SH3RF3: variants seen among roughly 807,000 people sequenced by gnomAD.
SH3RF3 encodes the protein E3 ubiquitin-protein ligase SH3RF3.
In SH3RF3, 29 loss-of-function variants were observed where a neutral mutation model predicts 66.3. The observed-to-expected ratio is 0.44, with a 90% CI of 0.33 to 0.60. The LOEUF is 0.60. SH3RF3 is among the 20% of genes least tolerant of loss of function. The probability of loss-of-function intolerance (pLI) is 0.04; values close to 1 mark genes in which losing one functional copy is unlikely to be tolerated. For synonymous variants in SH3RF3, 583 were observed against 532.0 expected (o/e 1.10, Z -1.32); for missense variants, 1,194 against 1,190.9 (o/e 1.00, Z -0.04).
At chr2:109,164,818 A>G (rs1677577709) in intron 1 of SH3RF3, among the ~76,000 whole-genome samples, 1 of 152,220 alleles carries the variant, frequency 6.6e-6, no homozygotes, top group Non-Finnish European at 1.5e-5. Flanking sequence ...TGAGCCAGGA[A>G]GTGAGTTTCT....
At chr2:109,142,618 T>TG (rs1240263021) in intron 1 of SH3RF3, among the ~76,000 whole-genome samples, 1 of 152,076 alleles carries the variant, frequency 6.6e-6, no homozygotes, top group East Asian at 1.9e-4. Context: ...CTGGGTTCTC[T>TG]GGGGGCAGAA....
chr2:109,322,582 A>G (rs1682051285), intron 1 of SH3RF3, among the ~76,000 whole-genome samples: 1 of 152,264 alleles, frequency 6.6e-6, no homozygotes, highest in South Asian at 2.1e-4. Context: ...TACTGCAAGA[A>G]TAAATTTGCT....
At chr2:109,334,341 GT>G (rs11297256) in intron 1 of SH3RF3, among the ~76,000 whole-genome samples, 66,410 of 127,972 alleles carry the variant, frequency 0.52, 17,867 homozygotes, top group Non-Finnish European at 0.62. Flanking sequence ...TTGGGTGACA[GT>G]TTTTTTTTTT....
intron 1 of SH3RF3, among the ~76,000 whole-genome samples, chr2:109,285,321 G>A (rs1681007188): frequency 6.6e-6 from 1 of 152,190 alleles, no homozygotes; most frequent in Non-Finnish European, 1.5e-5. Context: ...CTGAAATACA[G>A]GTGTTCATGG....
intron 1 of SH3RF3, among the ~76,000 whole-genome samples, chr2:109,272,774 G>T (rs1680657893): frequency 6.6e-6 from 1 of 152,224 alleles, no homozygotes; most frequent in Admixed American, 6.5e-5. Flanking sequence ...CAGCATCAAT[G>T]CATCTCAGTT....
intron 1 of SH3RF3, among the ~76,000 whole-genome samples, chr2:109,292,549 T>C (rs1681211111): frequency 6.6e-6 from 1 of 152,230 alleles, no homozygotes; most frequent in African/African-American, 2.4e-5. Flanking sequence ...AGTTTTTCTC[T>C]ACTTTAAATG....
chr2:109,470,675 C>T (rs1236032301), intron 8 of SH3RF3, among the ~76,000 whole-genome samples: 4 of 152,138 alleles, frequency 2.6e-5, no homozygotes, highest in East Asian at 3.9e-4. Flanking sequence ...CTGCTGTGGC[C>T]GGGGCTGGTG....
chr2:109,340,068 G>A (rs958361890), intron 1 of SH3RF3, among the ~76,000 whole-genome samples: 6 of 152,186 alleles, frequency 3.9e-5, no homozygotes, highest in Admixed American at 3.9e-4. Context: ...CCTGTGAGCA[G>A]TAATCGGGTT....
chr2:109,288,795 A>G (rs1309133000), intron 1 of SH3RF3, among the ~76,000 whole-genome samples: 3 of 151,766 alleles, frequency 2.0e-5, no homozygotes, highest in Non-Finnish European at 4.4e-5. Context: ...AAGCTACTAC[A>G]GGAGGACTCA....
At chr2:109,131,516 G>A (rs1488965206) in intron 1 of SH3RF3, among the ~76,000 whole-genome samples, 2 of 152,178 alleles carry the variant, frequency 1.3e-5, no homozygotes, top group East Asian at 1.9e-4. Context: ...TCGGAGCCCC[G>A]CTTCTAGTAA....
At chr2:109,170,310 TTCTCTC>T (rs1677745940) in intron 1 of SH3RF3, among the ~76,000 whole-genome samples, 2 of 132,688 alleles carry the variant, frequency 1.5e-5, no homozygotes, top group South Asian at 4.9e-4. Context: ...TTCTCTTCTC[TTCTCTC>T]CTCTCTCTCT....
chr2:109,211,982 T>C (rs1023533420), intron 1 of SH3RF3, among the ~76,000 whole-genome samples: 2 of 152,178 alleles, frequency 1.3e-5, no homozygotes, highest in African/African-American at 4.8e-5. Flanking sequence ...GAAACCTGAA[T>C]GTGAATGCCA....
intron 5 of SH3RF3, among the ~76,000 whole-genome samples, chr2:109,431,042 C>G (rs972290531): frequency 3.3e-5 from 5 of 152,238 alleles, no homozygotes; most frequent in African/African-American, 1.2e-4. Context: ...TTAATCTCTA[C>G]AAGGTTCTCC....
chr2:109,279,873 G>A (rs1680842351), intron 1 of SH3RF3, among the ~76,000 whole-genome samples: 1 of 152,028 alleles, frequency 6.6e-6, no homozygotes, highest in Non-Finnish European at 1.5e-5. Context: ...TAGGGTATGG[G>A]CCCCTGGGGG....
At chr2:109,214,872 T>A (rs1273522391) in intron 1 of SH3RF3, among the ~76,000 whole-genome samples, 2 of 152,144 alleles carry the variant, frequency 1.3e-5, no homozygotes, top group African/African-American at 4.8e-5. Context: ...ACAGCAGTGT[T>A]TTGGGAGATC....
chr2:109,455,534 C>T (rs932394052), intron 8 of SH3RF3, among the ~76,000 whole-genome samples: 10 of 152,042 alleles, frequency 6.6e-5, no homozygotes, highest in African/African-American at 2.4e-4. Flanking sequence ...GTTACTATGG[C>T]ATATACACTC....
intron 1 of SH3RF3, among the ~76,000 whole-genome samples, chr2:109,252,937 CTG>C (rs1229992492): frequency 1.3e-5 from 2 of 152,212 alleles, no homozygotes; most frequent in African/African-American, 4.8e-5. Flanking sequence ...AGGGGACTGA[CTG>C]TAGTCAATCA....
At chr2:109,443,591 AGAAAGCTGGAGTGG>A (rs1677631349) in intron 7 of SH3RF3, among the ~76,000 whole-genome samples, 1 of 152,262 alleles carries the variant, frequency 6.6e-6, no homozygotes. Flanking sequence ...ATTAATCAAA[AGAAAGCTGGAGTGG>A]TTATCTTAAT....
intron 5 of SH3RF3, among the ~76,000 whole-genome samples, chr2:109,425,966 T>C (rs972978900): frequency 6.6e-6 from 1 of 152,192 alleles, no homozygotes; most frequent in Non-Finnish European, 1.5e-5. Flanking sequence ...GGCATGATCT[T>C]GGCTCACTGC....
Sources: allele counts gnomAD v4.1 joint callset (sites outside exome capture counted in the v4.1 genomes callset), GRCh38; gene constraint gnomAD v4.1.1; transcripts MANE v1.5; gene names NCBI Gene and HGNC (gene_info 2026-07-23, HGNC 2026-07-21).